CDH18: variants seen among roughly 807,000 people sequenced by gnomAD.
CDH18 encodes cadherin-18.
Under a neutral mutation model 67.9 loss-of-function variants are expected in CDH18, and 31 were observed. The observed-to-expected ratio is 0.46, with a 90% CI of 0.34 to 0.62. The LOEUF (loss-of-function observed/expected upper bound fraction) is 0.62, where lower values mean the gene tolerates loss of function less well. CDH18 is among the 20% of genes least tolerant of loss of function. CDH18 has a pLI of 0.01. For missense variants in CDH18, 890 were observed against 975.5 expected, an observed-to-expected ratio of 0.91 and a Z score of 1.17; for synonymous variants, 362 against 347.2, an observed-to-expected ratio of 1.04 and a Z score of -0.48.
chr5:20,501,462 T>TTA (rs540353249), intron 1 of CDH18, among the ~76,000 whole-genome samples: 1 of 102,162 alleles, frequency 9.8e-6, no homozygotes, highest in Non-Finnish European at 2.0e-5. Flanking sequence ...TATATACATA[T>TTA]TATATATATT....
intron 2 of CDH18, among the ~76,000 whole-genome samples, chr5:19,969,374 G>A (rs1175055918): frequency 2.0e-5 from 3 of 149,334 alleles, no homozygotes; most frequent in Non-Finnish European, 2.9e-5. Flanking sequence ...AAATCATGCT[G>A]CTATAAAGAC....
At chr5:20,317,065 C>T (rs1011228367) in intron 1 of CDH18, among the ~76,000 whole-genome samples, 1 of 151,938 alleles carries the variant, frequency 6.6e-6, no homozygotes, top group Non-Finnish European at 1.5e-5. Context: ...TTTTATTAAT[C>T]ATAAAAAATA....
chr5:19,951,172 C>T (rs1212757733), intron 2 of CDH18, among the ~76,000 whole-genome samples: 1 of 152,128 alleles, frequency 6.6e-6, no homozygotes, highest in Non-Finnish European at 1.5e-5. Context: ...CTAGAAATGT[C>T]TGGCAATTGT....
chr5:19,734,239 T>C (rs912576501), intron 4 of CDH18, among the ~76,000 whole-genome samples: 11 of 152,238 alleles, frequency 7.2e-5, no homozygotes, highest in African/African-American at 2.2e-4. Context: ...ACTGAGTTGA[T>C]GTTTTCCCCT....
chr5:20,183,558 G>GA (rs913188287), intron 2 of CDH18, among the ~76,000 whole-genome samples: 5 of 151,922 alleles, frequency 3.3e-5, no homozygotes, highest in East Asian at 1.9e-4. Context: ...GCAATTCAAT[G>GA]AAAAAATAAA....
At chr5:20,353,950 A>G (rs552905831) in intron 1 of CDH18, among the ~76,000 whole-genome samples, 2 of 152,300 alleles carry the variant, frequency 1.3e-5, no homozygotes, top group African/African-American at 2.4e-5. Flanking sequence ...TTCTCGGTCA[A>G]TTTACTTTTA....
intron 1 of CDH18, among the ~76,000 whole-genome samples, chr5:19,986,501 T>C (rs1435359996): frequency 1.3e-5 from 2 of 152,356 alleles, no homozygotes; most frequent in African/African-American, 2.4e-5. Context: ...TTTGTTTGTT[T>C]GGTTGGTTTT....
intron 1 of CDH18, among the ~76,000 whole-genome samples, chr5:20,539,130 C>A (rs757480613): frequency 1.3e-5 from 2 of 151,906 alleles, no homozygotes; most frequent in Admixed American, 6.6e-5. Context: ...CTCAAGTAAT[C>A]CAGCCGCTTC....
intron 1 of CDH18, among the ~76,000 whole-genome samples, chr5:20,334,131 C>CTTT (rs34609844): frequency 7.3e-5 from 6 of 81,644 alleles, no homozygotes; most frequent in African/African-American, 1.6e-4. Context: ...GACTTGAATT[C>CTTT]TTTTTTTTTT....
intron 2 of CDH18, among the ~76,000 whole-genome samples, chr5:19,937,439 C>A (rs908167640): frequency 5.3e-5 from 8 of 151,174 alleles, no homozygotes; most frequent in Non-Finnish European, 1.0e-4. Context: ...AAACTGAATA[C>A]CAATATTGAA....
chr5:20,531,741 G>T lies in CDH18; in HGVS notation c.-580+43721C>A, dbSNP rs538619464. On this transcript the variant is annotated intron_variant, in intron 1 of 14. Coordinates refer to the CDH18 transcript ENST00000507958. ...CAAGCAACAATGGGGCCTGTTGGGG[G>T]AGGGCAGGCTGCGGGCAGAGCATTA... is the stretch of plus-strand genomic sequence containing the variant. Among the ~76,000 whole-genome samples, 261 of 152,212 alleles carry T rather than the reference G, an allele frequency of 1.7e-3. 2 individuals are homozygous for T. In the Middle Eastern group the frequency reaches 0.02, roughly 12 times the overall value.
intron 2 of CDH18, among the ~76,000 whole-genome samples, chr5:19,915,985 C>G (rs1473368371): frequency 2.0e-5 from 3 of 152,128 alleles, no homozygotes; most frequent in African/African-American, 7.2e-5. Flanking sequence ...CAGACTTATT[C>G]ATGTCAAATC....
intron 10 of CDH18, among the ~76,000 whole-genome samples, chr5:19,516,031 C>T (rs1219580147): frequency 6.6e-6 from 1 of 152,042 alleles, no homozygotes; most frequent in Non-Finnish European, 1.5e-5. Flanking sequence ...CCATCAATAC[C>T]TAGTTTATTG....
chr5:20,325,987 T>C (rs138277338), intron 1 of CDH18, among the ~76,000 whole-genome samples: 34 of 152,338 alleles, frequency 2.2e-4, no homozygotes, highest in African/African-American at 8.2e-4. Context: ...CTCTTCTTAG[T>C]CTTCATTGCT....
intron 2 of CDH18, among the ~76,000 whole-genome samples, chr5:20,127,095 C>A (rs1300508355): frequency 1.3e-5 from 2 of 152,108 alleles, no homozygotes; most frequent in Admixed American, 1.3e-4. Flanking sequence ...TGGAGAAGGA[C>A]CTGACAGGAG....
At chr5:20,118,062 C>G (rs1366896727) in intron 2 of CDH18, among the ~76,000 whole-genome samples, 1 of 151,842 alleles carries the variant, frequency 6.6e-6, no homozygotes, top group African/African-American at 2.4e-5. Flanking sequence ...CAAATAATTC[C>G]CAGAAAGAAT....
At chr5:19,938,739 A>G (rs1458632951) in intron 2 of CDH18, among the ~76,000 whole-genome samples, 2 of 151,494 alleles carry the variant, frequency 1.3e-5, no homozygotes, top group African/African-American at 4.8e-5. Context: ...TGCCTATTAT[A>G]TGCCTTTTAA....
intron 11 of CDH18, among the ~76,000 whole-genome samples, chr5:19,502,415 G>A (rs561413668): frequency 3.9e-5 from 6 of 152,216 alleles, no homozygotes; most frequent in East Asian, 1.9e-4. Context: ...AGAAACTTCC[G>A]TAGTTACTAA....
chr5:19,679,261 T>G (rs1341588028), intron 5 of CDH18, among the ~76,000 whole-genome samples: 2 of 152,038 alleles, frequency 1.3e-5, no homozygotes, highest in Admixed American at 6.6e-5. Context: ...CACCCCTTCA[T>G]GTTGAAAATT....
Sources: gnomAD v4.1 joint callset for allele counts (sites outside exome capture counted in the v4.1 genomes callset) on GRCh38, gnomAD v4.1.1 for gene constraint, MANE v1.5 for transcripts, NCBI Gene and HGNC (gene_info 2026-07-23, HGNC 2026-07-21) for gene names.